RBM25: variants seen among roughly 807,000 people sequenced by gnomAD.
RBM25 encodes RNA binding motif protein 25, also known as RNA-binding protein 25.
Under a neutral mutation model 120.7 loss-of-function variants are expected in RBM25, and 19 were observed. The observed-to-expected ratio is 0.16, with a 90% CI of 0.11 to 0.23. The LOEUF (loss-of-function observed/expected upper bound fraction) is 0.23. Ranked by LOEUF, RBM25 falls within the 10% of genes least tolerant of loss-of-function variation. The pLI is 1.00. For synonymous variants in RBM25, 390 were observed against 326.7 expected, an observed-to-expected ratio of 1.19 and a Z score of -2.09; for missense variants, 605 against 1,041.5, an observed-to-expected ratio of 0.58 and a Z score of 5.77.
In RBM25 at chr14:73,120,861, CATGTT is replaced by C. The variant is rs1896527876; in HGVS notation, c.*1059_*1063del. On this transcript the variant is annotated 3_prime_UTR_variant, in exon 19 of 19. Transcript: ENST00000261973. The stretch of plus-strand genomic sequence containing the variant: ...TTCTGCTCGGCAATTTGTAAGTTTA[CATGTT>C]ATTTAAGGATAAAGGTAAATCATTC... 1 of 152,166 alleles carries C rather than the reference CATGTT, an allele frequency of 6.6e-6. No homozygotes were observed. Among genetic ancestry groups the C allele is most frequent in the Non-Finnish European group, 1.5e-5 (1 of 68,022 alleles). The allele number at this position is 152,166 out of a possible 1,614,324, so 9.4% of individuals were successfully genotyped here. A position where few individuals can be genotyped will look rare whatever the true frequency, so the allele number is the denominator to read the frequency against.
chr14:73,087,398 T>TTC (rs995951199), intron 5 of RBM25, among the ~76,000 whole-genome samples: 6 of 147,510 alleles, frequency 4.1e-5, no homozygotes, highest in African/African-American at 1.5e-4. Flanking sequence ...ACTCCTTTCT[T>TTC]TTTTTTTTTT....
intron 1 of RBM25, among the ~76,000 whole-genome samples, chr14:73,060,371 T>TG (rs1894975383): frequency 6.6e-6 from 1 of 151,472 alleles, no homozygotes; most frequent in Non-Finnish European, 1.5e-5. Context: ...TAGTCCATGT[T>TG]AACATTGGGT....
intron 1 of RBM25, among the ~76,000 whole-genome samples, chr14:73,063,305 A>G (rs557570939): frequency 6.6e-6 from 1 of 151,012 alleles, no homozygotes; most frequent in African/African-American, 2.4e-5. Context: ...GCCTGCCACT[A>G]TGCCCGGCTA....
intron 9 of RBM25, chr14:73,100,496 C>G (rs1896034868): frequency 2.1e-6 from 1 of 487,148 alleles, no homozygotes; most frequent in Non-Finnish European, 3.7e-6. Context: ...TTTGAAGCTT[C>G]TCTCAATGAC....
chr14:73,101,762 A>G (rs942266121), intron 9 of RBM25: 1 of 152,138 alleles, frequency 6.6e-6, no homozygotes, highest in African/African-American at 2.4e-5. Flanking sequence ...GAAATAAACA[A>G]ATTTCTTTAT....
chr14:73,101,294 C>A (rs568931549), intron 9 of RBM25: 17 of 152,406 alleles, frequency 1.1e-4, no homozygotes, highest in African/African-American at 3.6e-4. Context: ...TATTAAATAA[C>A]CACAGACTGT....
intron 7 of RBM25, 103 bp downstream of exon 7, chr14:73,097,203 T>TTTTTTTC (rs1895964629): frequency 1.4e-6 from 1 of 738,160 alleles, no homozygotes; most frequent in African/African-American, 2.4e-5. Flanking sequence ...TTTCTTTTTT[T>TTTTTTTC]TTTTTTTTTT....
In RBM25 at chr14:73,085,518, C is replaced by T. The variant is rs8007857; in HGVS notation, c.382+1967C>T. ...GGAGTGCGATGGCACCATCTCAGCT[C>T]GCTGCAACCTCCGCCTCCTGGGTTC... On this transcript the variant is annotated intron_variant, in intron 5 of 18. Coordinates refer to ENST00000261973, the MANE Select transcript of RBM25 (RefSeq NM_021239.3). 1.3e-5 allele frequency among the ~76,000 whole-genome samples: 2 copies of T among 149,764 alleles called. 1 individual carries two copies. Among genetic ancestry groups the T allele is most frequent in the Non-Finnish European group, 3.0e-5 (2 of 67,162 alleles).
intron 9 of RBM25, chr14:73,100,464 T>A (rs1896034069): frequency 2.0e-6 from 1 of 496,888 alleles, no homozygotes; most frequent in Non-Finnish European, 3.6e-6. Flanking sequence ...GCATAGTAAA[T>A]CCCACTCACG....
intron 14 of RBM25, among the ~76,000 whole-genome samples, chr14:73,109,772 G>A (rs113933731): frequency 1.1e-4 from 16 of 152,230 alleles, no homozygotes; most frequent in African/African-American, 3.6e-4. Flanking sequence ...CAGCCTGGGC[G>A]ACAGAGCCCC....
rs1323446659 is a variant in RBM25, at chr14:73,121,646, T to G, written c.*1841T>G. 2 of 152,218 alleles carry G rather than the reference T, an allele frequency of 1.3e-5. No homozygotes were observed. The highest frequency in any genetic ancestry group is 4.1e-4 in the South Asian group (2 of 4,836). The allele number at this position is 152,218 out of a possible 1,614,324, so 9.4% of individuals were successfully genotyped here. A position where few individuals can be genotyped will look rare whatever the true frequency, so the allele number is the denominator to read the frequency against. The stretch of plus-strand genomic sequence containing the variant: ...TTCGAGGAGTTTATTGTGTCTGTCT[T>G]TTCTTAACATACTGCACTGTTCTTA... On this transcript the variant is annotated 3_prime_UTR_variant, in exon 19 of 19. Coordinates refer to ENST00000261973, the MANE Select transcript of RBM25 (RefSeq NM_021239.3).
rs913863726 is a variant in RBM25 at position 73,092,188 on chromosome 14, AT to A, written c.543+4037del. 1.5e-3 allele frequency among the ~76,000 whole-genome samples: 205 copies of A among 134,016 alleles called. 1 individual carries two copies. Among genetic ancestry groups the A allele is most frequent in the Admixed American group, 2.0e-3 (24 of 11,976 alleles). The allele number at this position is 134,016 out of a possible 152,430, so 87.9% of individuals were successfully genotyped here. On this transcript the variant is annotated intron_variant, in intron 6 of 18. Coordinates refer to ENST00000261973, the MANE Select transcript of RBM25 (RefSeq NM_021239.3). ...TGGAGTAGATTAGAGATTTGCCATG[AT>A]TTTTTTTTTAAGGGTGGTGGGGGGT...
At chr14:73,111,872 G>GA (rs901061822) in intron 16 of RBM25, 70 bp downstream of exon 16, 1,775 of 1,441,172 alleles carry the variant, frequency 1.2e-3, no homozygotes, top group Admixed American at 2.6e-3. Flanking sequence ...TTCATTTGAA[G>GA]AAAAAAAAAC....
intron 5 of RBM25, among the ~76,000 whole-genome samples, chr14:73,085,902 T>TA (rs772417267): frequency 1.9e-3 from 283 of 152,336 alleles, no homozygotes; most frequent in Non-Finnish European, 2.0e-3. Flanking sequence ...TTTAGTGTTA[T>TA]TGTATTTAAT....
At chr14:73,101,699 A>G (rs1896059977) in intron 9 of RBM25, 1 of 152,172 alleles carries the variant, frequency 6.6e-6, no homozygotes, top group African/African-American at 2.4e-5. Flanking sequence ...GAGGAATTCT[A>G]CAGGAAAAAT....
rs371499906 is a variant in RBM25 at position 73,070,677 on chromosome 14, G to A, written c.-15-950G>A. On this transcript the variant is annotated intron_variant, in intron 1 of 18. Coordinates refer to ENST00000261973, the MANE Select transcript of RBM25 (RefSeq NM_021239.3). ...GATATAAGAAAAATGGGCCGGGCGCGGTGGCTCAGGCCTGTAATCCTAGCG... is the reference window on the plus strand; with the variant it reads ...GATATAAGAAAAATGGGCCGGGCGCAGTGGCTCAGGCCTGTAATCCTAGCG... Among the ~76,000 whole-genome samples, 52 of 152,168 alleles carry A rather than the reference G, an allele frequency of 3.4e-4. 1 individual carries two copies. The East Asian group carries it at 7.7e-3, about 23-fold the overall frequency.
intron 1 of RBM25, among the ~76,000 whole-genome samples, chr14:73,066,946 G>C (rs1211310074): frequency 6.6e-6 from 1 of 151,954 alleles, no homozygotes; most frequent in Non-Finnish European, 1.5e-5. Context: ...TTTTGACACT[G>C]ATCTATTCTA....
At chr14:73,116,192 T>G (rs559990675) in intron 18 of RBM25, among the ~76,000 whole-genome samples, 1 of 152,092 alleles carries the variant, frequency 6.6e-6, no homozygotes, top group Non-Finnish European at 1.5e-5. Context: ...AGAGGAGGGT[T>G]TCTGTTAAGA....
chr14:73,103,242 G>C lies in RBM25; in HGVS notation c.918G>C (p.Glu306Asp). 6.2e-7 allele frequency: 1 copy of C among 1,605,768 alleles called. No homozygotes were observed. The highest frequency in any genetic ancestry group is 8.5e-7 in the Non-Finnish European group (1 of 1,175,752). ...GKKEKERQEIEKERRERERER... is the reference protein window; with the variant it reads ...GKKEKERQEIDKERRERERER... ...AGGAAAAAGAAAGACAGGAAATTGA[G>C]AAAGAACGGAGAGAAAGAGAGAGGG... is the stretch of plus-strand genomic sequence containing the variant. The change falls in exon 10 of 19, where the codon GAG (glutamate) becomes GAC (aspartate). Residue 306 changes from glutamate (E) to aspartate (D), a missense_variant. Physicochemically the swap from Glu to Asp is conservative, Grantham distance 45 (BLOSUM62 2). Transcript: ENST00000261973.
Sources: gnomAD v4.1 joint callset for allele counts (sites outside exome capture counted in the v4.1 genomes callset) on GRCh38, gnomAD v4.1.1 for gene constraint, MANE v1.5 for transcripts, NCBI Gene and HGNC (gene_info 2026-07-23, HGNC 2026-07-21) for gene names.